Variants in TANC2 observed in about 807,000 individuals in gnomAD.
TANC2 encodes the protein protein TANC2.
Under a neutral mutation model 210.5 loss-of-function variants are expected in TANC2, and 26 were observed. The observed-to-expected ratio is 0.12, with a 90% CI of 0.09 to 0.17. The LOEUF (loss-of-function observed/expected upper bound fraction) is 0.17, where lower values mean the gene tolerates loss of function less well. Ranked by LOEUF, TANC2 falls within the 10% of genes least tolerant of loss-of-function variation. TANC2 has a pLI of 1.00. For missense variants in TANC2, 2,129 were observed against 2,608.9 expected, an observed-to-expected ratio of 0.82 and a Z score of 4.01; for synonymous variants, 931 against 967.1, an observed-to-expected ratio of 0.96 and a Z score of 0.69.
Position 63,198,580 on chromosome 17 carries a change from A to G in TANC2, c.583-2191A>G, listed in dbSNP as rs370657898. ...GTTCATCTACTCACATGTGTCTCAGACTGGGAGTGGGAGGTTAAAAATCGT... is the reference window on the plus strand; with the variant it reads ...GTTCATCTACTCACATGTGTCTCAGGCTGGGAGTGGGAGGTTAAAAATCGT... On this transcript the variant is annotated intron_variant, in intron 6 of 27. Coordinates refer to ENST00000689528, the Ensembl canonical transcript of TANC2. Among the ~76,000 whole-genome samples, 299 of 152,298 alleles carry G rather than the reference A, an allele frequency of 2.0e-3. 11 individuals are homozygous for G. In the South Asian group the frequency reaches 0.059, roughly 30 times the overall value.
intron 1 of TANC2, among the ~76,000 whole-genome samples, chr17:62,977,431 T>C (rs1334039998): frequency 2.6e-5 from 4 of 152,216 alleles, no homozygotes; most frequent in South Asian, 4.1e-4. Flanking sequence ...AGACTACTTA[T>C]ATGCAAATTT....
intron 8 of TANC2, among the ~76,000 whole-genome samples, chr17:63,249,400 A>G (rs1384678819): frequency 6.6e-6 from 1 of 152,166 alleles, no homozygotes; most frequent in African/African-American, 2.4e-5. Context: ...AGAAATTATC[A>G]GAGTAGGCAG....
At chr17:63,109,445 G>T (rs1015893921) in intron 4 of TANC2, among the ~76,000 whole-genome samples, 9 of 151,504 alleles carry the variant, frequency 5.9e-5, no homozygotes, top group Admixed American at 5.9e-4. Context: ...AAAAAACCTT[G>T]AATGAGATGG....
chr17:63,404,125 A>G (rs560095298), intron 19 of TANC2, among the ~76,000 whole-genome samples: 1 of 152,320 alleles, frequency 6.6e-6, no homozygotes, highest in Non-Finnish European at 1.5e-5. Flanking sequence ...GGAAAAAAAA[A>G]TCTTTATCCT....
At chr17:63,259,288 G>T (rs1259347027) in intron 8 of TANC2, among the ~76,000 whole-genome samples, 1 of 152,136 alleles carries the variant, frequency 6.6e-6, no homozygotes, top group Non-Finnish European at 1.5e-5. Context: ...ACTGCTTGGG[G>T]TTAGTGGAGG....
chr17:63,151,426 A>G (rs2039649920), intron 5 of TANC2, 46 bp downstream of exon 5: 3 of 903,318 alleles, frequency 3.3e-6, no homozygotes, highest in Non-Finnish European at 4.0e-6. Context: ...GGAGGATTGG[A>G]TCAGGCCCAT....
chr17:63,400,717 C>T (rs926050863), intron 19 of TANC2, among the ~76,000 whole-genome samples: 4 of 151,764 alleles, frequency 2.6e-5, no homozygotes, highest in Admixed American at 6.6e-5. Flanking sequence ...AATCTCGGCT[C>T]ACTGCAACCT....
intron 6 of TANC2, among the ~76,000 whole-genome samples, chr17:63,200,319 C>T (rs541967210): frequency 4.3e-5 from 6 of 138,350 alleles, no homozygotes; most frequent in African/African-American, 1.7e-4. Context: ...TGTGCCATTG[C>T]ACTCCAGCCT....
At chr17:63,129,084 C>A (rs1269626759) in intron 4 of TANC2, among the ~76,000 whole-genome samples, 1 of 152,064 alleles carries the variant, frequency 6.6e-6, no homozygotes, top group Non-Finnish European at 1.5e-5. Flanking sequence ...CACACTGCAG[C>A]CACAATCTCC....
At chr17:63,170,544 G>A (rs1171028326) in intron 5 of TANC2, among the ~76,000 whole-genome samples, 1 of 152,002 alleles carries the variant, frequency 6.6e-6, no homozygotes, top group Non-Finnish European at 1.5e-5. Flanking sequence ...TCCTTTGGGG[G>A]AAAAATTCTA....
At chr17:63,197,976 G>C (rs1221724090) in intron 6 of TANC2, among the ~76,000 whole-genome samples, 1 of 152,154 alleles carries the variant, frequency 6.6e-6, no homozygotes, top group East Asian at 1.9e-4. Context: ...TGCGTTTACA[G>C]TTAAAGCTTT....
chr17:63,284,425 A>G (rs1246226797), intron 9 of TANC2, among the ~76,000 whole-genome samples: 1 of 151,958 alleles, frequency 6.6e-6, no homozygotes, highest in Non-Finnish European at 1.5e-5. Flanking sequence ...TTTTAGTATC[A>G]TGGTAATGGG....
chr17:63,371,662 T>C (rs928669903), intron 14 of TANC2, among the ~76,000 whole-genome samples: 2 of 152,210 alleles, frequency 1.3e-5, no homozygotes, highest in Admixed American at 1.3e-4. Flanking sequence ...AGAGAAACTT[T>C]AAGACTAGCT....
chr17:63,310,618 T>G (rs1217711940), intron 9 of TANC2, among the ~76,000 whole-genome samples: 2 of 152,126 alleles, frequency 1.3e-5, no homozygotes, highest in Non-Finnish European at 2.9e-5. Flanking sequence ...AATAGAAATG[T>G]GAGTAAAAGC....
chr17:63,171,483 A>C (rs1282622325), intron 5 of TANC2, among the ~76,000 whole-genome samples: 1 of 152,178 alleles, frequency 6.6e-6, no homozygotes, highest in Non-Finnish European at 1.5e-5. Flanking sequence ...TATAATTCTG[A>C]GTAGGTGAAG....
chr17:63,319,018 C>T (rs1321110472), exon 11 of TANC2: 2 of 1,613,592 alleles, frequency 1.2e-6, no homozygotes, highest in African/African-American at 1.3e-5. Context: ...CATCTATCAC[C>T]AGTGGAAGCT....
intron 9 of TANC2, among the ~76,000 whole-genome samples, chr17:63,286,022 T>A (rs2044209717): frequency 6.6e-6 from 1 of 152,214 alleles, no homozygotes; most frequent in South Asian, 2.1e-4. Context: ...TAATTATTTC[T>A]GCACCATGTA....
intron 4 of TANC2, among the ~76,000 whole-genome samples, chr17:63,116,109 G>A (rs1236202889): frequency 1.3e-5 from 2 of 152,064 alleles, no homozygotes; most frequent in African/African-American, 2.4e-5. Flanking sequence ...GCTTTGTATT[G>A]TATCTGAATA....
At chr17:63,312,699 C>G (rs1312477739) in intron 9 of TANC2, among the ~76,000 whole-genome samples, 1 of 152,094 alleles carries the variant, frequency 6.6e-6, no homozygotes, top group Non-Finnish European at 1.5e-5. Flanking sequence ...CAAATCTGTA[C>G]GTGTGCCCTC....
Sources: gnomAD v4.1 joint callset for allele counts (sites outside exome capture counted in the v4.1 genomes callset) on GRCh38, gnomAD v4.1.1 for gene constraint, MANE v1.5 for transcripts, NCBI Gene and HGNC (gene_info 2026-07-23, HGNC 2026-07-21) for gene names.